The following PDZRN3 variants were observed in gnomAD, a reference collection of about 807,000 sequenced individuals.
PDZRN3 encodes E3 ubiquitin-protein ligase PDZRN3.
A neutral mutation model predicts 85.7 loss-of-function variants in PDZRN3; 38 were observed. That is an observed-to-expected ratio of 0.44 (90% CI 0.34 to 0.58). The LOEUF (loss-of-function observed/expected upper bound fraction) is 0.58, where lower values mean the gene tolerates loss of function less well. Among genes scored for constraint, PDZRN3 ranks in the 20% least tolerant of loss-of-function variants. The pLI is 0.01. For synonymous variants in PDZRN3, 759 were observed against 638.0 expected, an observed-to-expected ratio of 1.19 and a Z score of -2.86; for missense variants, 1,629 against 1,506.4, an observed-to-expected ratio of 1.08 and a Z score of -1.35.
At position 73,382,889 on chromosome 3, in the gene PDZRN3, G is replaced by GATA. The variant is rs1703269694; in HGVS notation, c.*473_*475dup. The GATA allele has an allele frequency of 6.4e-6, 1 of 155,604 alleles. No individual in the cohort carries two copies. The allele number at this position is 155,604 out of a possible 1,614,324, so 9.6% of individuals were successfully genotyped here. ...TTTGAGTTGAAACCTTCACCTAAAT[G>GATA]ATAATATCTTAACGGTCACGCATAT... On this transcript the variant is annotated 3_prime_UTR_variant, in exon 10 of 10. Coordinates refer to ENST00000263666, the MANE Select transcript of PDZRN3 (RefSeq NM_015009.3).
intron 3 of PDZRN3, among the ~76,000 whole-genome samples, chr3:73,439,848 CT>C (rs1424243793): frequency 1.3e-5 from 2 of 152,006 alleles, no homozygotes; most frequent in Non-Finnish European, 2.9e-5. Flanking sequence ...AAGCGATTCT[CT>C]TGCCTCAGCC....
At chr3:73,452,858 T>TGTGTGTGTGTGTGTGTGC (rs1702894455) in intron 3 of PDZRN3, among the ~76,000 whole-genome samples, 1 of 151,750 alleles carries the variant, frequency 6.6e-6, no homozygotes, top group Non-Finnish European at 1.5e-5. Flanking sequence ...TGTGTGTGTG[T>TGTGTGTGTGTGTGTGTGC]GTGTGTGTGT....
chr3:73,485,358 C>T (rs1187687249), intron 3 of PDZRN3, among the ~76,000 whole-genome samples: 4 of 150,550 alleles, frequency 2.7e-5, no homozygotes, highest in South Asian at 2.1e-4. Context: ...ATAGCATCAT[C>T]GTGGAATAAG....
intron 3 of PDZRN3, among the ~76,000 whole-genome samples, chr3:73,510,473 T>C (rs4557100): frequency 0.94 from 142,734 of 152,268 alleles, 67,572 homozygotes; most frequent in Non-Finnish European, 1. Flanking sequence ...TATAGGGGAA[T>C]AAATAAAGCA....
chr3:73,593,506 T>C (rs1450425209), intron 3 of PDZRN3, among the ~76,000 whole-genome samples: 1 of 152,068 alleles, frequency 6.6e-6, no homozygotes, highest in African/African-American at 2.4e-5. Flanking sequence ...GCACCCAATA[T>C]CCTGACTGCA....
chr3:73,582,254 G>A (rs988686527), intron 3 of PDZRN3, among the ~76,000 whole-genome samples: 3 of 152,120 alleles, frequency 2.0e-5, no homozygotes, highest in Non-Finnish European at 2.9e-5. Flanking sequence ...ATGTAGATTT[G>A]TCTTTTTTTA....
At chr3:73,585,106 C>T (rs1185381090) in intron 3 of PDZRN3, among the ~76,000 whole-genome samples, 2 of 152,170 alleles carry the variant, frequency 1.3e-5, no homozygotes, top group Non-Finnish European at 2.9e-5. Context: ...TAACTCTAAA[C>T]AATTTTAGTT....
chr3:73,609,030 T>C (rs1232039590), intron 1 of PDZRN3, among the ~76,000 whole-genome samples: 1 of 152,226 alleles, frequency 6.6e-6, no homozygotes, highest in African/African-American at 2.4e-5. Flanking sequence ...TCTAGACGGC[T>C]ACTTTCTGTT....
intron 3 of PDZRN3, among the ~76,000 whole-genome samples, chr3:73,442,066 G>C (rs1038184976): frequency 1.3e-5 from 2 of 152,194 alleles, no homozygotes; most frequent in African/African-American, 4.8e-5. Context: ...AAATGGCATG[G>C]TGGGGCAGTG....
intron 3 of PDZRN3, among the ~76,000 whole-genome samples, chr3:73,581,166 C>T (rs1702197150): frequency 1.3e-5 from 2 of 152,188 alleles, no homozygotes; most frequent in South Asian, 4.1e-4. Flanking sequence ...TGGAAAGAAT[C>T]ACCTGTGTGT....
intron 3 of PDZRN3, among the ~76,000 whole-genome samples, chr3:73,540,296 T>C (rs1289161050): frequency 1.3e-5 from 2 of 152,218 alleles, no homozygotes; most frequent in African/African-American, 4.8e-5. Context: ...CATGCCTCTG[T>C]AAACATTTAC....
Position 73,459,608 on chromosome 3 carries a change from G to C in PDZRN3, c.919-55213C>G, listed in dbSNP as rs1310621811. On this transcript the variant is annotated intron_variant, in intron 3 of 9. Coordinates refer to ENST00000263666, the MANE Select transcript of PDZRN3 (RefSeq NM_015009.3). ...TTACAAGTGAGAATGTGTGGTATTTGGTTTTTTTGTTCCTGCATTAGTTTG... is the reference window on the plus strand; with the variant it reads ...TTACAAGTGAGAATGTGTGGTATTTCGTTTTTTTGTTCCTGCATTAGTTTG... Among the ~76,000 whole-genome samples the C allele has an allele frequency of 2.6e-5, 4 of 152,132 alleles. No homozygotes were observed. The East Asian group carries it at 7.7e-4, about 29-fold the overall frequency.
chr3:73,567,641 G>A (rs1001153750), intron 3 of PDZRN3, among the ~76,000 whole-genome samples: 2 of 152,156 alleles, frequency 1.3e-5, no homozygotes, highest in Admixed American at 6.5e-5. Context: ...ACATATTGAA[G>A]TCTAAACCTG....
intron 3 of PDZRN3, among the ~76,000 whole-genome samples, chr3:73,491,593 CT>C (rs1429977645): frequency 6.8e-5 from 9 of 132,830 alleles, no homozygotes; most frequent in African/African-American, 8.3e-5. Flanking sequence ...TGGAAGGTTC[CT>C]TTTTTTTTTT....
In PDZRN3 at chr3:73,624,302, G is replaced by C; in HGVS notation, c.524C>G (p.Ala175Gly). The change falls in exon 1 of 10, where the codon GCC (alanine) becomes GGC (glycine). Residue 175 changes from alanine (A) to glycine (G), a missense_variant. Ala to Gly is a moderately conservative substitution (Grantham distance 60). Coordinates refer to ENST00000263666, the MANE Select transcript of PDZRN3 (RefSeq NM_015009.3). ...CGCCTTGTGCAGCGCGCCCAGGCGG[G>C]CCTGGAGCGCGCCGTTGTGCGCCCG... The part of the protein sequence containing the change: ...ALRAHNGALQ[A>G]RLGALHKALK... The C allele has an allele frequency of 7.5e-7, 1 of 1,334,288 alleles. No homozygotes were observed. The highest frequency in any genetic ancestry group is 2.0e-5 in the South Asian group (1 of 49,806). 82.7% of individuals were successfully genotyped at this position (1,334,288 alleles called of 1,614,324 possible).
intron 1 of PDZRN3, among the ~76,000 whole-genome samples, chr3:73,611,224 C>T (rs557168485): frequency 5.3e-4 from 81 of 152,304 alleles, no homozygotes; most frequent in African/African-American, 1.9e-3. Context: ...GGAAGGCTTA[C>T]CCAGGAGGCC....
chr3:73,511,810 G>T (rs1275393253), intron 3 of PDZRN3, among the ~76,000 whole-genome samples: 1 of 152,196 alleles, frequency 6.6e-6, no homozygotes, highest in Non-Finnish European at 1.5e-5. Flanking sequence ...TGGAAGTAGG[G>T]CCTTTCAGGC....
At chr3:73,594,625 T>A (rs149345599) in intron 3 of PDZRN3, among the ~76,000 whole-genome samples, 3 of 152,172 alleles carry the variant, frequency 2.0e-5, no homozygotes, top group Non-Finnish European at 2.9e-5. Context: ...CTGGGTCTCC[T>A]GATTTAAATC....
chr3:73,576,106 ACT>A (rs963262333), intron 3 of PDZRN3, among the ~76,000 whole-genome samples: 2 of 145,266 alleles, frequency 1.4e-5, no homozygotes, highest in Non-Finnish European at 1.5e-5. Flanking sequence ...ATGCATGCAT[ACT>A]CTCTCTCACA....
Sources: allele counts gnomAD v4.1 joint callset (sites outside exome capture counted in the v4.1 genomes callset), GRCh38; gene constraint gnomAD v4.1.1; transcripts MANE v1.5; gene names NCBI Gene and HGNC (gene_info 2026-07-23, HGNC 2026-07-21).